Variants in MTCL1 observed in about 807,000 individuals in gnomAD.
The protein encoded by MTCL1 is microtubule cross-linking factor 1.
A neutral mutation model predicts 141.4 loss-of-function variants in MTCL1; 79 were observed. That is an observed-to-expected ratio of 0.56 (90% CI 0.47 to 0.67). MTCL1 has a LOEUF of 0.67. Ranked by LOEUF, MTCL1 falls within the 30% of genes least tolerant of loss-of-function variation. The pLI is 0.00. For synonymous variants in MTCL1, 914 were observed against 875.8 expected (o/e 1.04, Z -0.77); for missense variants, 2,177 against 2,113.9 (o/e 1.03, Z -0.59).
chr18:8,806,060 C>T (rs1463390430), intron 10 of MTCL1, among the ~76,000 whole-genome samples: 2 of 152,224 alleles, frequency 1.3e-5, no homozygotes, highest in African/African-American at 2.4e-5. Context: ...TTACCAGACA[C>T]ATTTGCATGC....
chr18:8,819,334 C>T lies in MTCL1; in HGVS notation c.3156+75C>T, dbSNP rs1042595627. The T allele has an allele frequency of 4.0e-6, 6 of 1,481,934 alleles. No homozygotes were observed. In the African/African-American group the frequency reaches 5.6e-5, roughly 14 times the overall value. 91.8% of individuals were successfully genotyped at this position (1,481,934 alleles called of 1,614,324 possible). A position where few individuals can be genotyped will look rare whatever the true frequency, so the allele number is the denominator to read the frequency against. On this transcript the variant is annotated intron_variant, in intron 13 of 16. Transcript: ENST00000359865. ...CGTCATGAAACCTAAGAGGCATCTG[C>T]CAGATTCCTCTCCTGGCAGGCTCTA...
chr18:8,775,102 A>C (rs1382152879), intron 4 of MTCL1, among the ~76,000 whole-genome samples: 1 of 152,094 alleles, frequency 6.6e-6, no homozygotes, highest in Non-Finnish European at 1.5e-5. Flanking sequence ...TACTTCATTT[A>C]GTTTTCTTTC....
At chr18:8,776,361 C>T (rs1468077172) in intron 4 of MTCL1, among the ~76,000 whole-genome samples, 1 of 152,232 alleles carries the variant, frequency 6.6e-6, no homozygotes, top group Non-Finnish European at 1.5e-5. Flanking sequence ...TCTCACTCCT[C>T]ATTTCTTTCT....
intron 16 of MTCL1, chr18:8,829,045 C>A (rs2077115122): frequency 6.8e-6 from 11 of 1,609,144 alleles, no homozygotes; most frequent in Non-Finnish European, 8.5e-6. Flanking sequence ...ACGCTCATCA[C>A]CTGAGGGAGT....
At chr18:8,798,664 C>T (rs1043707883) in intron 10 of MTCL1, among the ~76,000 whole-genome samples, 5 of 152,158 alleles carry the variant, frequency 3.3e-5, no homozygotes, top group African/African-American at 1.2e-4. Flanking sequence ...TAAAAAAAAT[C>T]CCCCAACATG....
At chr18:8,770,458 C>A (rs917692728) in intron 4 of MTCL1, among the ~76,000 whole-genome samples, 3 of 152,210 alleles carry the variant, frequency 2.0e-5, no homozygotes, top group African/African-American at 7.2e-5. Context: ...CAGAAAGCTG[C>A]CTTCTCGATG....
At chr18:8,726,520 A>C (rs1338350948) in intron 4 of MTCL1, among the ~76,000 whole-genome samples, 6 of 117,958 alleles carry the variant, frequency 5.1e-5, no homozygotes, top group Non-Finnish European at 8.6e-5. Context: ...AGAGCGAGCG[A>C]GAGAGAGCGA....
At chr18:8,827,089 A>T (rs2077050317) in intron 15 of MTCL1, among the ~76,000 whole-genome samples, 1 of 152,236 alleles carries the variant, frequency 6.6e-6, no homozygotes, top group African/African-American at 2.4e-5. Flanking sequence ...ACTCGCCAGG[A>T]GTCCGGATGA....
At chr18:8,770,845 TG>T (rs1367499193) in intron 4 of MTCL1, among the ~76,000 whole-genome samples, 1 of 152,182 alleles carries the variant, frequency 6.6e-6, no homozygotes, top group African/African-American at 2.4e-5. Flanking sequence ...TTTGTTTTTT[TG>T]GGTCCTGTTG....
At chr18:8,806,663 C>T (rs1002218800) in intron 10 of MTCL1, among the ~76,000 whole-genome samples, 6 of 152,144 alleles carry the variant, frequency 3.9e-5, no homozygotes, top group African/African-American at 1.4e-4. Flanking sequence ...CTTCTACCCT[C>T]CTCCTGATCA....
At chr18:8,781,009 A>G (rs1298888862) in intron 5 of MTCL1, among the ~76,000 whole-genome samples, 2 of 151,880 alleles carry the variant, frequency 1.3e-5, no homozygotes, top group African/African-American at 4.8e-5. Flanking sequence ...TCTACCAAAA[A>G]TACAAAAATT....
chr18:8,742,664 G>C (rs1056749116), intron 4 of MTCL1, among the ~76,000 whole-genome samples: 2 of 152,142 alleles, frequency 1.3e-5, no homozygotes, highest in African/African-American at 4.8e-5. Context: ...TTTGGGTGGG[G>C]ACACAGCCAA....
rs115350526 is a variant in MTCL1, at chr18:8,709,879, G to A, written c.1053+3166G>A. Among the ~76,000 whole-genome samples the A allele has an allele frequency of 3.9e-3, 595 of 152,068 alleles. 2 individuals carry two copies. Among genetic ancestry groups the A allele is most frequent in the African/African-American group, 0.014 (576 of 41,474 alleles). On this transcript the variant is annotated intron_variant, in intron 1 of 13. Transcript: ENST00000306329. Reference sequence around the variant, plus strand: ...TTTTGAGACGGAGTCTTGCTTTGTCGTGCAGGCTGGAATGCAGTGGCGTGA... The same window carrying A: ...TTTTGAGACGGAGTCTTGCTTTGTCATGCAGGCTGGAATGCAGTGGCGTGA...
intron 11 of MTCL1, among the ~76,000 whole-genome samples, chr18:8,811,519 T>TTATATA (rs1555671020): frequency 6.7e-6 from 1 of 149,646 alleles, no homozygotes; most frequent in African/African-American, 2.5e-5. Context: ...TCATTAATCT[T>TTATATA]TATATATATA....
At chr18:8,784,204 C>T (rs1276697060) in exon 6 of MTCL1, 1 of 1,613,404 alleles carries the variant, frequency 6.2e-7, no homozygotes, top group Admixed American at 1.7e-5. Flanking sequence ...CGCTGCTGTC[C>T]AACATCCAGC....
chr18:8,767,739 G>C (rs998863664), intron 4 of MTCL1, among the ~76,000 whole-genome samples: 1 of 151,010 alleles, frequency 6.6e-6, no homozygotes. Flanking sequence ...CTTAAAAAAT[G>C]AGAACCTTTC....
chr18:8,768,117 G>A (rs778399824), intron 4 of MTCL1, among the ~76,000 whole-genome samples: 4 of 152,060 alleles, frequency 2.6e-5, no homozygotes, highest in Non-Finnish European at 5.9e-5. Flanking sequence ...CAAACAGATA[G>A]CAAAAAGAGT....
intron 9 of MTCL1, 93 bp from the exon 9 acceptor site, chr18:8,798,004 T>G: frequency 1.6e-6 from 2 of 1,287,812 alleles, no homozygotes; most frequent in Non-Finnish European, 2.1e-6. Flanking sequence ...TGATAATCCA[T>G]AAAGTAGATG....
chr18:8,813,843 T>G (rs2076567140), intron 12 of MTCL1, among the ~76,000 whole-genome samples: 1 of 152,180 alleles, frequency 6.6e-6, no homozygotes, highest in Admixed American at 6.5e-5. Flanking sequence ...AGGGGGGTAG[T>G]CATTTTTCTG....
Sources: allele counts gnomAD v4.1 joint callset (sites outside exome capture counted in the v4.1 genomes callset), GRCh38; gene constraint gnomAD v4.1.1; transcripts MANE v1.5; gene names NCBI Gene and HGNC (gene_info 2026-07-23, HGNC 2026-07-21).